NDUFB8: variants seen among roughly 807,000 people sequenced by gnomAD.
The protein encoded by NDUFB8 is NADH:ubiquinone oxidoreductase subunit B8.
NDUFB8 carries 17 observed loss-of-function variants against 26.0 expected under a neutral mutation model. The ratio of observed to expected loss-of-function variants is 0.65; its 90% confidence interval spans 0.45 to 0.98. The LOEUF (loss-of-function observed/expected upper bound fraction) is 0.98, where lower values mean the gene tolerates loss of function less well. Among genes scored for constraint, NDUFB8 ranks in the 50% least tolerant of loss-of-function variants. The pLI is 0.00. For missense variants in NDUFB8, 238 were observed against 255.0 expected, an observed-to-expected ratio of 0.93 and a Z score of 0.45; for synonymous variants, 89 against 93.1, an observed-to-expected ratio of 0.96 and a Z score of 0.25.
intron 1 of NDUFB8, 97 bp downstream of exon 1, chr10:100,529,670 C>A: frequency 6.5e-7 from 1 of 1,544,046 alleles, no homozygotes. Flanking sequence ...ACTCCCTACC[C>A]GGAGGCTGCC....
At chr10:100,529,684 G>A in intron 1 of NDUFB8, 83 bp downstream of exon 1, 1 of 1,551,650 alleles carries the variant, frequency 6.4e-7, no homozygotes, top group Non-Finnish European at 8.8e-7. Flanking sequence ...GGCTGCCGCC[G>A]CGGCATCTAC....
Position 100,529,526 on chromosome 10 carries a change from A to G in NDUFB8, c.86-20T>C. 1 of 1,607,444 alleles carries G rather than the reference A, an allele frequency of 6.2e-7. No individual in the cohort carries two copies. Among genetic ancestry groups the G allele is most frequent in the Non-Finnish European group, 8.5e-7 (1 of 1,178,296 alleles). On this transcript the variant is annotated intron_variant, in intron 1 of 4. Transcript: ENST00000299166. The stretch of plus-strand genomic sequence containing the variant: ...GGGAGGCTAGAACGCAGAAGAGAAC[A>G]GGTCAGAAGCGAGCCCGCTCTCCAG...
At position 100,526,429 on chromosome 10, in the gene NDUFB8, C is replaced by T. The variant is rs1564657838; in HGVS notation, c.438G>A (p.Val146=). Residue 146 remains valine (V), a synonymous_variant, in exon 4 of 5, where the codon GTG becomes GTA. Transcript: ENST00000299166. ...FLAFMIFMCW[V]GDVYPVYQPV... is the part of the protein sequence containing the mutation. ...GCTGGTAGACAGGGTACACGTCCCC[C>T]ACCCAGCACATGAATATCATGAAAG... The T allele has an allele frequency of 6.2e-7, 1 of 1,610,504 alleles. No individual in the cohort carries two copies. The highest frequency in any genetic ancestry group is 8.5e-7 in the Non-Finnish European group (1 of 1,179,024).
At chr10:100,529,097 A>G in intron 2 of NDUFB8, 1 of 278,480 alleles carries the variant, frequency 3.6e-6, no homozygotes, top group Non-Finnish European at 6.7e-6. Flanking sequence ...CTCTGGATAG[A>G]GCCAAGGAAG....
chr10:100,529,543 G>T, intron 1 of NDUFB8, 37 bp from the exon 2 acceptor site: 1 of 1,602,004 alleles, frequency 6.2e-7, no homozygotes, highest in Non-Finnish European at 8.5e-7. Context: ...AAGCGAGCCC[G>T]CTCTCCAGCC....
At chr10:100,528,328 T>C (rs1291619144) in intron 2 of NDUFB8, among the ~76,000 whole-genome samples, 2 of 152,198 alleles carry the variant, frequency 1.3e-5, no homozygotes, top group Non-Finnish European at 2.9e-5. Context: ...GTTCATACAA[T>C]GAGGAGATAA....
At chr10:100,525,067 C>G (rs1852020412) in intron 4 of NDUFB8, among the ~76,000 whole-genome samples, 1 of 152,142 alleles carries the variant, frequency 6.6e-6, no homozygotes, top group South Asian at 2.1e-4. Context: ...ATCAGAATTA[C>G]CTGGGAGCTT....
In NDUFB8 at chr10:100,525,615, C is replaced by CGTGT. The variant is rs56705301; in HGVS notation, c.468+780_468+783dup. ...TTCTCCAACTTCCCACCACCCAAAG[C>CGTGT]GTGTGTGTGTGTGTGTGTGTGTGTG... On this transcript the variant is annotated intron_variant, in intron 4 of 4. Coordinates refer to ENST00000299166, the MANE Select transcript of NDUFB8 (RefSeq NM_005004.4). Among the ~76,000 whole-genome samples, 143 of 100,162 alleles carry CGTGT rather than the reference C, an allele frequency of 1.4e-3. 7 individuals are homozygous for CGTGT. The highest frequency in any genetic ancestry group is 4.5e-3 in the African/African-American group (119 of 26,248). 65.7% of individuals were successfully genotyped at this position (100,162 alleles called of 152,430 possible). A position where few individuals can be genotyped will look rare whatever the true frequency, so the allele number is the denominator to read the frequency against.
At chr10:100,526,783 A>C in intron 3 of NDUFB8, 192 bp downstream of exon 3, 1 of 721,650 alleles carries the variant, frequency 1.4e-6, no homozygotes, top group Non-Finnish European at 2.3e-6. Context: ...CAACTTTCAC[A>C]GTACAGAGTT....
chr10:100,525,769 C>A (rs1852038696), intron 4 of NDUFB8, among the ~76,000 whole-genome samples: 6 of 126,160 alleles, frequency 4.8e-5, no homozygotes, highest in Admixed American at 8.1e-5. Context: ...TGTGTGTTAG[C>A]ATCTAGGTAG....
At position 100,524,337 on chromosome 10, in the gene NDUFB8, C is replaced by G. The variant is rs745560985; in HGVS notation, c.469-408G>C. Among the ~76,000 whole-genome samples, 1 of 152,050 alleles carries G rather than the reference C, an allele frequency of 6.6e-6. No individual in the cohort carries two copies. Among genetic ancestry groups the G allele is most frequent in the African/African-American group, 2.4e-5 (1 of 41,384 alleles). On this transcript the variant is annotated intron_variant, in intron 4 of 4. Transcript: ENST00000299166. The surrounding 1 kb of genome is among the most constrained non-coding windows in gnomAD (Gnocchi z 4.0). ...ACTCAATCTCCTTTAAGTCACTCAG[C>G]CTCTAATGGTTCCACCACTAAAGTG...
intron 1 of NDUFB8, 124 bp downstream of exon 1, chr10:100,529,643 A>T (rs899824832): frequency 1.3e-6 from 2 of 1,534,310 alleles, no homozygotes; most frequent in Admixed American, 2.0e-5. Flanking sequence ...TTTTCTGGAT[A>T]TATCAACGCC....
At chr10:100,528,018 C>T (rs1271748625) in intron 2 of NDUFB8, among the ~76,000 whole-genome samples, 1 of 152,206 alleles carries the variant, frequency 6.6e-6, no homozygotes, top group Non-Finnish European at 1.5e-5. Context: ...CAGGGTTTCG[C>T]CACGTTAGCC....
In NDUFB8 at chr10:100,524,778, C is replaced by T. The variant is rs192123972; in HGVS notation, c.469-849G>A. 6.6e-6 allele frequency among the ~76,000 whole-genome samples: 1 copy of T among 152,334 alleles called. No homozygotes were observed. Among genetic ancestry groups the T allele is most frequent in the East Asian group, 1.9e-4 (1 of 5,186 alleles). ...TCCTGGAGACTACTCCTGGATTAAT[C>T]TTCCTAAGAACTCAGCATTCATTAT... On this transcript the variant is annotated intron_variant, in intron 4 of 4. Transcript: ENST00000299166. This position sits in a 1 kb window ranked among gnomAD's most constrained non-coding sequence, Gnocchi z 4.0.
intron 1 of NDUFB8, 79 bp from the exon 2 acceptor site, chr10:100,529,585 G>A: frequency 3.1e-6 from 5 of 1,592,754 alleles, no homozygotes; most frequent in South Asian, 1.1e-5. Flanking sequence ...AGGGGCTGCA[G>A]AGGTCCGAGC....
Position 100,523,854 on chromosome 10 carries a change from C to A in NDUFB8, c.544G>T (p.Val182Phe). The change falls in exon 5 of 5, where the codon GTT becomes TTT. Residue 182 changes from valine (V) to phenylalanine (F), a missense_variant. Transcript: ENST00000299166. ...AAGCCTCCTCAGATCTCATAGTGAACCACCCGCTCTGGTTCTTTGGAGGGA... is the reference window on the plus strand; with the variant it reads ...AAGCCTCCTCAGATCTCATAGTGAAACACCCGCTCTGGTTCTTTGGAGGGA... ...GDPSKEPERV[V>F]HYEI 1 of 1,614,144 alleles carries A rather than the reference C, an allele frequency of 6.2e-7. No homozygotes were observed. Among genetic ancestry groups the A allele is most frequent in the Non-Finnish European group, 8.5e-7 (1 of 1,180,028 alleles).
At chr10:100,529,562 G>A (rs1852114668) in intron 1 of NDUFB8, 56 bp from the exon 2 acceptor site, 1 of 1,600,032 alleles carries the variant, frequency 6.2e-7, no homozygotes, top group Non-Finnish European at 8.5e-7. Context: ...CCGCTCCGAA[G>A]GCTTCAAGTC....
chr10:100,527,208 G>A (rs956107755), intron 2 of NDUFB8, 134 bp from the exon 3 acceptor site: 31 of 683,710 alleles, frequency 4.5e-5, no homozygotes, highest in Non-Finnish European at 6.9e-5. Context: ...TAAACCTCAA[G>A]GCAAGAGCTC....
chr10:100,526,522 G>A lies in NDUFB8; in HGVS notation c.345C>T (p.Asn115=). Residue 115 remains asparagine (N), a synonymous_variant, in exon 4 of 5, where the codon AAC becomes AAT. Transcript: ENST00000299166. ...CAGGTGTGGGGGATGTATCCACACGGTTCCTGTTGTACATGTCTAGGTGCC... is the reference window on the plus strand; with the variant it reads ...CAGGTGTGGGGGATGTATCCACACGATTCCTGTTGTACATGTCTAGGTGCC... ...MHWHLDMYNR[N]RVDTSPTPVS... 1 of 1,612,626 alleles carries A rather than the reference G, an allele frequency of 6.2e-7. No individual in the cohort carries two copies. The highest frequency in any genetic ancestry group is 8.5e-7 in the Non-Finnish European group (1 of 1,179,694).
Sources: allele counts gnomAD v4.1 joint callset (sites outside exome capture counted in the v4.1 genomes callset), GRCh38; gene constraint gnomAD v4.1.1; non-coding constraint Gnocchi (gnomAD v3.1); transcripts MANE v1.5; gene names NCBI Gene and HGNC (gene_info 2026-07-23, HGNC 2026-07-21).